The following SLC25A26 variants were observed in gnomAD, a reference collection of about 807,000 sequenced individuals.
SLC25A26 encodes solute carrier family 25 member 26, also known as mitochondrial S-adenosylmethionine carrier protein.
In SLC25A26, 36 loss-of-function variants were observed where a neutral mutation model predicts 37.8. The ratio of observed to expected loss-of-function variants is 0.95; its 90% CI spans 0.73 to 1.26. The LOEUF (loss-of-function observed/expected upper bound fraction) is 1.26, where lower values mean the gene tolerates loss of function less well. SLC25A26 is among the 50% of genes most tolerant of loss of function. SLC25A26 has a pLI of 0.00. For missense variants in SLC25A26, 390 were observed against 331.1 expected, an observed-to-expected ratio of 1.18 and a Z score of -1.38; for synonymous variants, 129 against 122.5, an observed-to-expected ratio of 1.05 and a Z score of -0.35.
intron 9 of SLC25A26, chr3:66,371,214 A>T: frequency 4.6e-6 from 7 of 1,522,122 alleles, no homozygotes; most frequent in Non-Finnish European, 6.2e-6. Context: ...ACCATATACC[A>T]GGGATTTTCT....
intron 1 of SLC25A26, among the ~76,000 whole-genome samples, chr3:66,232,566 C>G (rs1048644988): frequency 3.3e-5 from 5 of 152,254 alleles, no homozygotes; most frequent in African/African-American, 1.2e-4. Flanking sequence ...AAATTGTGTT[C>G]AGTGCTTGGA....
chr3:66,188,452 A>G (rs994467294), intron 1 of SLC25A26, among the ~76,000 whole-genome samples: 41 of 152,224 alleles, frequency 2.7e-4, no homozygotes, highest in African/African-American at 9.6e-4. Flanking sequence ...GAGGGGAATG[A>G]GTGAGTTCTT....
chr3:66,369,980 T>G (rs1326813120), intron 8 of SLC25A26, among the ~76,000 whole-genome samples: 1 of 152,168 alleles, frequency 6.6e-6, no homozygotes, highest in East Asian at 1.9e-4. Context: ...AAAACCCTGC[T>G]AGATAGAGAG....
At chr3:66,202,756 A>G (rs2071127659) in intron 1 of SLC25A26, among the ~76,000 whole-genome samples, 1 of 152,146 alleles carries the variant, frequency 6.6e-6, no homozygotes, top group Non-Finnish European at 1.5e-5. Context: ...AAAATGAAAA[A>G]AGAGACAAAA....
chr3:66,302,503 G>A (rs570807884), intron 5 of SLC25A26, among the ~76,000 whole-genome samples: 5 of 152,198 alleles, frequency 3.3e-5, no homozygotes, highest in African/African-American at 4.8e-5. Flanking sequence ...TCTAGTCATC[G>A]ATATCATTTT....
intron 5 of SLC25A26, among the ~76,000 whole-genome samples, chr3:66,318,739 A>G (rs2107633095): frequency 6.6e-6 from 1 of 151,932 alleles, no homozygotes; most frequent in African/African-American, 2.4e-5. Flanking sequence ...ATAGCTCACT[A>G]CAGCCTCGAA....
Position 66,243,297 on chromosome 3 carries a change from C to G in SLC25A26, c.285C>G (p.Ala95=), listed in dbSNP as rs138128704. ...YLTPMKHMLA[A]SAGEVVACLI... is the part of the protein sequence containing the mutation. ...CACCTATGAAACATATGTTGGCTGC[C>G]TCTGCTGGAGAAGTGGTAAGTAACA... Residue 95 remains alanine (A), a synonymous_variant, in exon 3 of 10, where the codon GCC becomes GCG. Transcript: ENST00000354883. The G allele has an allele frequency of 2.5e-6, 4 of 1,597,682 alleles. No homozygotes were observed. Among genetic ancestry groups the G allele is most frequent in the East Asian group, 4.5e-5 (2 of 44,574 alleles).
intron 5 of SLC25A26, chr3:66,304,398 G>A: frequency 2.2e-6 from 1 of 455,844 alleles, no homozygotes; most frequent in East Asian, 7.0e-5. Context: ...TTTCTGTTCA[G>A]TTTCAGTTTT....
At chr3:66,236,836 TA>T (rs2072315901) in intron 2 of SLC25A26, 136 bp downstream of exon 2, 1 of 616,814 alleles carries the variant, frequency 1.6e-6, no homozygotes, top group South Asian at 4.5e-5. Context: ...CTGGTGTCAT[TA>T]TTATTTTTTA....
At chr3:66,320,558 G>T (rs1396746179) in intron 5 of SLC25A26, among the ~76,000 whole-genome samples, 1 of 152,138 alleles carries the variant, frequency 6.6e-6, no homozygotes. Flanking sequence ...GGTATGCAAG[G>T]TTCTGTCTGA....
intron 6 of SLC25A26, among the ~76,000 whole-genome samples, chr3:66,350,977 C>T (rs1451863903): frequency 6.6e-6 from 1 of 152,118 alleles, no homozygotes; most frequent in African/African-American, 2.4e-5. Flanking sequence ...TATTTAATCA[C>T]CCACCATATT....
intron 1 of SLC25A26, among the ~76,000 whole-genome samples, chr3:66,194,357 G>C (rs1416513811): frequency 2.0e-5 from 3 of 152,122 alleles, no homozygotes; most frequent in South Asian, 2.1e-4. Context: ...TTCCCACCTG[G>C]GGAATTCCCA....
chr3:66,154,680 A>G (rs2070255558), intron 1 of SLC25A26, among the ~76,000 whole-genome samples: 1 of 151,402 alleles, frequency 6.6e-6, no homozygotes. Context: ...ATGGGGTTTC[A>G]TCATGTTGCC....
intron 5 of SLC25A26, among the ~76,000 whole-genome samples, chr3:66,343,413 A>C (rs2076252531): frequency 6.6e-6 from 1 of 152,226 alleles, no homozygotes. Flanking sequence ...ATTACTTTAG[A>C]CTGTCAGTCT....
At chr3:66,301,170 T>G (rs1277468142) in intron 5 of SLC25A26, among the ~76,000 whole-genome samples, 1 of 152,222 alleles carries the variant, frequency 6.6e-6, no homozygotes, top group East Asian at 1.9e-4. Context: ...ACTTTTCTTT[T>G]TAGTATTCAA....
chr3:66,352,954 T>C (rs567981034), intron 6 of SLC25A26, among the ~76,000 whole-genome samples: 28 of 152,346 alleles, frequency 1.8e-4, no homozygotes, highest in African/African-American at 6.7e-4. Context: ...AATAAATTAG[T>C]TTATTTAGTT....
intron 5 of SLC25A26, among the ~76,000 whole-genome samples, chr3:66,271,218 G>A (rs1401350689): frequency 6.6e-6 from 1 of 152,146 alleles, no homozygotes; most frequent in Non-Finnish European, 1.5e-5. Context: ...AGTCCATTTG[G>A]ATTGCATTTA....
intron 5 of SLC25A26, among the ~76,000 whole-genome samples, chr3:66,282,372 C>T (rs868646111): frequency 2.0e-5 from 3 of 152,086 alleles, no homozygotes; most frequent in African/African-American, 7.2e-5. Context: ...TCTCGAACTC[C>T]CGACCTCAAG....
chr3:66,155,083 T>G (rs1411493590), intron 1 of SLC25A26, among the ~76,000 whole-genome samples: 1 of 152,238 alleles, frequency 6.6e-6, no homozygotes, highest in Non-Finnish European at 1.5e-5. Flanking sequence ...TTGTCTTTAT[T>G]TGATTAATAG....
Sources: allele counts gnomAD v4.1 joint callset (sites outside exome capture counted in the v4.1 genomes callset), GRCh38; gene constraint gnomAD v4.1.1; transcripts MANE v1.5; gene names NCBI Gene and HGNC (gene_info 2026-07-23, HGNC 2026-07-21).